The following AOAH variants were observed in gnomAD, a reference collection of about 807,000 sequenced individuals.
The protein encoded by AOAH is acyloxyacyl hydrolase, also known as acyloxyacyl hydrolase (neutrophil).
A neutral mutation model predicts 92.2 loss-of-function variants in AOAH; 64 were observed. The observed-to-expected ratio is 0.69, with a 90% CI of 0.57 to 0.86. AOAH has a LOEUF of 0.86. AOAH is among the 40% of genes least tolerant of loss of function. AOAH has a pLI of 0.00. For synonymous variants in AOAH, 263 were observed against 254.5 expected (o/e 1.03, Z -0.32); for missense variants, 656 against 694.6 (o/e 0.94, Z 0.62).
At chr7:36,709,262 G>A (rs763345271) in intron 1 of AOAH, among the ~76,000 whole-genome samples, 1 of 151,974 alleles carries the variant, frequency 6.6e-6, no homozygotes, top group Non-Finnish European at 1.5e-5. Context: ...TTTACACCTC[G>A]GTGAAATCAT....
intron 12 of AOAH, among the ~76,000 whole-genome samples, chr7:36,583,379 G>A (rs1230128809): frequency 6.6e-6 from 1 of 152,144 alleles, no homozygotes; most frequent in African/African-American, 2.4e-5. Flanking sequence ...GTGGATGGAG[G>A]TCAGGCCAGC....
chr7:36,631,536 G>T (rs1793101601), intron 6 of AOAH, among the ~76,000 whole-genome samples: 2 of 152,154 alleles, frequency 1.3e-5, no homozygotes, highest in Admixed American at 1.3e-4. Flanking sequence ...GGGAATTCTG[G>T]ACAGTGTCTC....
chr7:36,650,754 C>A (rs1449920992), intron 4 of AOAH, among the ~76,000 whole-genome samples: 1 of 152,190 alleles, frequency 6.6e-6, no homozygotes, highest in African/African-American at 2.4e-5. Context: ...CCGTTCTCAT[C>A]CTATTTTTTA....
At chr7:36,591,874 A>G (rs1402805299) in intron 12 of AOAH, among the ~76,000 whole-genome samples, 5 of 152,218 alleles carry the variant, frequency 3.3e-5, no homozygotes, top group African/African-American at 1.2e-4. Flanking sequence ...GTAAGCAGAA[A>G]GAGATGAGGA....
chr7:36,689,989 C>T (rs948863411), intron 1 of AOAH: 2 of 305,930 alleles, frequency 6.5e-6, no homozygotes, highest in African/African-American at 4.5e-5. Context: ...TGTTTCCTTT[C>T]CCTGAAAATT....
chr7:36,660,711 A>C (rs1166043774), intron 3 of AOAH, among the ~76,000 whole-genome samples: 1 of 152,240 alleles, frequency 6.6e-6, no homozygotes, highest in East Asian at 1.9e-4. Context: ...TAAAACATTT[A>C]GTTTACATCT....
intron 6 of AOAH, among the ~76,000 whole-genome samples, chr7:36,623,843 T>C (rs2116109953): frequency 6.6e-6 from 1 of 152,294 alleles, no homozygotes; most frequent in East Asian, 1.9e-4. Flanking sequence ...TTTTCCCAGC[T>C]TCTCAATGTC....
intron 6 of AOAH, among the ~76,000 whole-genome samples, chr7:36,629,987 G>A (rs1333983652): frequency 6.6e-6 from 1 of 152,210 alleles, no homozygotes; most frequent in East Asian, 1.9e-4. Context: ...TCCAATATGA[G>A]TGGTGTCCTT....
rs1562854041 is a variant in AOAH at position 36,517,222 on chromosome 7, T to TTCTTTCTCTTTCTC, written c.1600-3843_1600-3842insGAGAAAGAGAAAGA. Among the ~76,000 whole-genome samples the TTCTTTCTCTTTCTC allele has an allele frequency of 4.1e-3, 273 of 67,264 alleles. 2 individuals are homozygous for TTCTTTCTCTTTCTC. The highest frequency in any genetic ancestry group is 9.9e-3 in the African/African-American group (251 of 25,238). 44.1% of individuals were successfully genotyped at this position (67,264 alleles called of 152,430 possible). On this transcript the variant is annotated intron_variant, in intron 20 of 20. Transcript: ENST00000617537. The stretch of plus-strand genomic sequence containing the variant: ...TCTTTCTTTCTTTCTTTCTCTTTCT[T>TTCTTTCTCTTTCTC]TCTGTCTCTCTCTCTCTCTCTCTTT...
chr7:36,659,329 A>G, intron 3 of AOAH, 64 bp from the exon 4 acceptor site: 1 of 1,344,614 alleles, frequency 7.4e-7, no homozygotes, highest in Non-Finnish European at 1.1e-6. Context: ...AACAGAAGCT[A>G]CTGCAAAGAA....
chr7:36,723,299 A>C (rs1424780110), intron 1 of AOAH, among the ~76,000 whole-genome samples: 3 of 152,182 alleles, frequency 2.0e-5, no homozygotes, highest in African/African-American at 7.2e-5. Flanking sequence ...CTACAATGTG[A>C]ATATCAAAGA....
In AOAH at chr7:36,585,320, ATGT is replaced by A. The variant is rs1395644051; in HGVS notation, c.939-8667_939-8665del. Among the ~76,000 whole-genome samples the A allele has an allele frequency of 3.3e-5, 5 of 152,202 alleles. No individual in the cohort carries two copies. In the East Asian group the frequency reaches 5.8e-4, roughly 18 times the overall value. On this transcript the variant is annotated intron_variant, in intron 12 of 20. Coordinates refer to ENST00000617537, the MANE Select transcript of AOAH (RefSeq NM_001637.4). ...GGTTACAAGTGAGAACAACAATACAATGTTGTTGTTATAGTGGAAAAAATTAAG... is the reference window on the plus strand; with the variant it reads ...GGTTACAAGTGAGAACAACAATACAATGTTGTTATAGTGGAAAAAATTAAG...
chr7:36,524,939 TA>T (rs1784326904), intron 19 of AOAH, among the ~76,000 whole-genome samples: 1 of 152,178 alleles, frequency 6.6e-6, no homozygotes, highest in Non-Finnish European at 1.5e-5. Flanking sequence ...ATAAGACAGT[TA>T]TTAAAAAATT....
chr7:36,715,794 C>T (rs1200819570), intron 1 of AOAH, among the ~76,000 whole-genome samples: 1 of 151,162 alleles, frequency 6.6e-6, no homozygotes, highest in African/African-American at 2.4e-5. Context: ...GAAACTAGAT[C>T]CCTTCCTTAC....
At chr7:36,620,753 G>T in intron 9 of AOAH, 28 bp downstream of exon 9, 2 of 1,610,428 alleles carry the variant, frequency 1.2e-6, no homozygotes, top group East Asian at 2.2e-5. Flanking sequence ...AAAGGAGAAT[G>T]GGGTTCAAGC....
At chr7:36,665,659 T>C (rs936883027) in intron 3 of AOAH, among the ~76,000 whole-genome samples, 1 of 152,178 alleles carries the variant, frequency 6.6e-6, no homozygotes, top group Non-Finnish European at 1.5e-5. Flanking sequence ...GCATGAAGTA[T>C]GATGTTCATT....
chr7:36,709,467 T>C (rs1474255484), intron 1 of AOAH, among the ~76,000 whole-genome samples: 2 of 152,204 alleles, frequency 1.3e-5, no homozygotes, highest in Non-Finnish European at 2.9e-5. Flanking sequence ...ATGCCACTGA[T>C]GATTTCCTGC....
chr7:36,679,287 A>AAT (rs1425130295), intron 2 of AOAH, among the ~76,000 whole-genome samples: 2 of 151,164 alleles, frequency 1.3e-5, no homozygotes, highest in African/African-American at 4.8e-5. Flanking sequence ...AAGTACAATA[A>AAT]ATATATATAT....
chr7:36,526,970 G>A (rs1204843765), intron 19 of AOAH, among the ~76,000 whole-genome samples: 2 of 152,220 alleles, frequency 1.3e-5, no homozygotes, highest in African/African-American at 4.8e-5. Flanking sequence ...GCAGCTGGAG[G>A]TATATTTAAA....
Sources: gnomAD v4.1 joint callset for allele counts (sites outside exome capture counted in the v4.1 genomes callset) on GRCh38, gnomAD v4.1.1 for gene constraint, MANE v1.5 for transcripts, NCBI Gene and HGNC (gene_info 2026-07-23, HGNC 2026-07-21) for gene names.